The following AFF3 variants were observed in gnomAD, a reference collection of about 807,000 sequenced individuals.
AFF3 encodes the protein AF4/FMR2 family member 3.
A neutral mutation model predicts 129.7 loss-of-function variants in AFF3; 32 were observed. That is an observed-to-expected ratio of 0.25 (90% CI 0.19 to 0.33). The LOEUF is 0.33. Ranked by LOEUF, AFF3 falls within the 10% of genes least tolerant of loss-of-function variation. AFF3 has a pLI of 1.00. For missense variants in AFF3, 1,373 were observed against 1,592.0 expected (o/e 0.86, Z 2.34); for synonymous variants, 644 against 635.4 (o/e 1.01, Z -0.20).
At chr2:99,916,923 T>A (rs916676341) in intron 7 of AFF3, among the ~76,000 whole-genome samples, 2 of 152,112 alleles carry the variant, frequency 1.3e-5, no homozygotes, top group African/African-American at 2.4e-5. Flanking sequence ...CCTTGGCATC[T>A]CCTTGGTGAG....
chr2:99,967,448 G>A (rs1024565855), intron 7 of AFF3, among the ~76,000 whole-genome samples: 1 of 152,088 alleles, frequency 6.6e-6, no homozygotes, highest in Non-Finnish European at 1.5e-5. Context: ...AACTGGATTG[G>A]CATCTTTCTC....
intron 4 of AFF3, among the ~76,000 whole-genome samples, chr2:100,086,518 T>C (rs191777091): frequency 4.5e-4 from 69 of 152,098 alleles, no homozygotes; most frequent in African/African-American, 1.5e-3. Flanking sequence ...AGACTCCATC[T>C]CAAAAAAGAG....
At position 99,828,855 on chromosome 2, in the gene AFF3, C is replaced by T. The variant is rs377543651; in HGVS notation, c.921+8622G>A. Among the ~76,000 whole-genome samples the T allele has an allele frequency of 3.1e-4, 47 of 152,316 alleles. 1 individual carries two copies. Among genetic ancestry groups the T allele is most frequent in the South Asian group, 2.1e-3 (10 of 4,826 alleles). On this transcript the variant is annotated intron_variant, in intron 8 of 24. Coordinates refer to ENST00000672756, the MANE Select transcript of AFF3 (RefSeq NM_001386135.1). ...AAGAATTACACACACACATCACACA[C>T]GTACACACATTCACATTCCAAAAAT... is the stretch of plus-strand genomic sequence containing the variant.
chr2:99,802,108 A>G (rs530173217), intron 8 of AFF3, among the ~76,000 whole-genome samples: 1 of 152,346 alleles, frequency 6.6e-6, no homozygotes, highest in South Asian at 2.1e-4. Flanking sequence ...TGAATAATGC[A>G]TGTATGGGAG....
At chr2:99,643,269 A>AT (rs1655321931) in intron 13 of AFF3, among the ~76,000 whole-genome samples, 1 of 152,014 alleles carries the variant, frequency 6.6e-6, no homozygotes. Flanking sequence ...CATATTGATC[A>AT]TGCTGGTCTT....
intron 7 of AFF3, among the ~76,000 whole-genome samples, chr2:99,900,419 G>A (rs979692799): frequency 3.3e-5 from 5 of 152,088 alleles, no homozygotes; most frequent in East Asian, 3.9e-4. Context: ...TCTAAGACTC[G>A]GGCCCACCCC....
chr2:99,949,144 A>G (rs1675912402), intron 7 of AFF3, among the ~76,000 whole-genome samples: 1 of 152,216 alleles, frequency 6.6e-6, no homozygotes, highest in Non-Finnish European at 1.5e-5. Context: ...TGGATTCCTC[A>G]TCTGTAAAAT....
intron 7 of AFF3, among the ~76,000 whole-genome samples, chr2:99,946,555 G>C (rs975055760): frequency 6.8e-6 from 1 of 147,574 alleles, no homozygotes; most frequent in Non-Finnish European, 1.5e-5. Context: ...GGAGGGTTCA[G>C]GATACCCCAC....
intron 7 of AFF3, among the ~76,000 whole-genome samples, chr2:99,937,578 T>C (rs1204461908): frequency 6.6e-6 from 1 of 152,118 alleles, no homozygotes; most frequent in Non-Finnish European, 1.5e-5. Flanking sequence ...TTTGTATTTT[T>C]AGTAGAGACG....
intron 1 of AFF3, among the ~76,000 whole-genome samples, chr2:100,133,926 C>T (rs556743759): frequency 2.6e-5 from 4 of 152,160 alleles, no homozygotes; most frequent in African/African-American, 7.2e-5. Flanking sequence ...GAGCGAGACT[C>T]TGTCTCAAAA....
chr2:100,142,092 A>G (rs2105622956), intron 1 of AFF3, among the ~76,000 whole-genome samples: 1 of 152,282 alleles, frequency 6.6e-6, no homozygotes, highest in East Asian at 1.9e-4. Flanking sequence ...TTTTGAGGTT[A>G]TAGCTAATGA....
chr2:99,553,460 T>C (rs981696655), intron 24 of AFF3, among the ~76,000 whole-genome samples: 1 of 152,122 alleles, frequency 6.6e-6, no homozygotes, highest in African/African-American at 2.4e-5. Context: ...GAACTCAGAT[T>C]TGCACTCTTA....
intron 4 of AFF3, among the ~76,000 whole-genome samples, chr2:100,013,092 T>TA (rs903414104): frequency 1.1e-4 from 17 of 152,140 alleles, no homozygotes; most frequent in Admixed American, 3.3e-4. Flanking sequence ...TTTTTAGAAT[T>TA]AAAAAAAATA....
intron 8 of AFF3, among the ~76,000 whole-genome samples, chr2:99,757,833 T>C (rs1488284487): frequency 6.6e-6 from 1 of 152,246 alleles, no homozygotes; most frequent in Non-Finnish European, 1.5e-5. Context: ...TCCTTTGCTA[T>C]GAAGTCTTCT....
chr2:99,945,488 G>A (rs1021977426), intron 7 of AFF3, among the ~76,000 whole-genome samples: 2 of 152,194 alleles, frequency 1.3e-5, no homozygotes, highest in Non-Finnish European at 2.9e-5. Flanking sequence ...CACCCTGGGA[G>A]TCATCAGGTT....
chr2:99,746,190 A>C (rs1335750553), intron 9 of AFF3, among the ~76,000 whole-genome samples: 1 of 149,152 alleles, frequency 6.7e-6, no homozygotes, highest in Non-Finnish European at 1.5e-5. Flanking sequence ...AAAAAAAAAA[A>C]GGTAGCAGGA....
At chr2:100,068,446 A>G (rs184637065) in intron 4 of AFF3, among the ~76,000 whole-genome samples, 135 of 152,286 alleles carry the variant, frequency 8.9e-4, no homozygotes, top group African/African-American at 3.2e-3. Context: ...CTTTTTCAAG[A>G]GGGTGAAGGG....
At chr2:99,797,255 A>G (rs1007589534) in intron 8 of AFF3, among the ~76,000 whole-genome samples, 1 of 152,228 alleles carries the variant, frequency 6.6e-6, no homozygotes, top group Non-Finnish European at 1.5e-5. Context: ...GATATACCAA[A>G]GACCCAAACT....
chr2:99,573,212 G>C (rs756505306), intron 18 of AFF3, among the ~76,000 whole-genome samples: 10 of 152,134 alleles, frequency 6.6e-5, no homozygotes, highest in Non-Finnish European at 1.5e-4. Context: ...GAATGTCCTT[G>C]TCTCCGCACC....
Sources: gnomAD v4.1 joint callset for allele counts (sites outside exome capture counted in the v4.1 genomes callset) on GRCh38, gnomAD v4.1.1 for gene constraint, MANE v1.5 for transcripts, NCBI Gene and HGNC (gene_info 2026-07-23, HGNC 2026-07-21) for gene names.